Variants in EXOC6B observed in about 807,000 individuals in gnomAD.
EXOC6B encodes the protein SEC15 homolog B.
EXOC6B carries 54 observed loss-of-function variants against 113.5 expected under a neutral mutation model. The observed-to-expected ratio is 0.48, with a 90% confidence interval of 0.38 to 0.60. The LOEUF (loss-of-function observed/expected upper bound fraction) is 0.60, where lower values mean the gene tolerates loss of function less well. Ranked by LOEUF, EXOC6B falls within the 20% of genes least tolerant of loss-of-function variation. The probability of loss-of-function intolerance (pLI) is 0.00; values close to 1 mark genes in which losing one functional copy is unlikely to be tolerated. For synonymous variants in EXOC6B, 357 were observed against 339.0 expected, an observed-to-expected ratio of 1.05 and a Z score of -0.58; for missense variants, 797 against 977.5, an observed-to-expected ratio of 0.82 and a Z score of 2.46.
At chr2:72,222,191 T>C (rs921465805) in intron 20 of EXOC6B, among the ~76,000 whole-genome samples, 1 of 152,206 alleles carries the variant, frequency 6.6e-6, no homozygotes, top group Non-Finnish European at 1.5e-5. Context: ...TGGTGTGTTC[T>C]AGGTACTTGA....
intron 18 of EXOC6B, among the ~76,000 whole-genome samples, chr2:72,429,871 C>A (rs1262941287): frequency 1.3e-5 from 2 of 152,194 alleles, no homozygotes; most frequent in South Asian, 4.1e-4. Flanking sequence ...AGATGGGAGA[C>A]TGCTTTAGCA....
chr2:72,709,629 T>A (rs1037749221), intron 6 of EXOC6B, among the ~76,000 whole-genome samples: 4 of 152,190 alleles, frequency 2.6e-5, no homozygotes, highest in Non-Finnish European at 5.9e-5. Context: ...CTCATGAAAT[T>A]ATTTGAAGAG....
chr2:72,679,644 G>A (rs1227319857), intron 6 of EXOC6B, among the ~76,000 whole-genome samples: 1 of 152,032 alleles, frequency 6.6e-6, no homozygotes, highest in African/African-American at 2.4e-5. Flanking sequence ...ATTGGGAGGA[G>A]GTAACAGAAA....
intron 20 of EXOC6B, among the ~76,000 whole-genome samples, chr2:72,193,552 G>C (rs1482537621): frequency 1.3e-5 from 2 of 152,226 alleles, no homozygotes; most frequent in Non-Finnish European, 2.9e-5. Flanking sequence ...ATGATGTTAA[G>C]ACGTTATCTC....
intron 20 of EXOC6B, among the ~76,000 whole-genome samples, chr2:72,284,715 T>G (rs1296748915): frequency 1.3e-5 from 2 of 151,992 alleles, no homozygotes; most frequent in Non-Finnish European, 2.9e-5. Flanking sequence ...AGACATGATT[T>G]TCTATAGAAA....
chr2:72,696,005 T>C (rs1677848144), intron 6 of EXOC6B, among the ~76,000 whole-genome samples: 1 of 151,902 alleles, frequency 6.6e-6, no homozygotes, highest in Non-Finnish European at 1.5e-5. Flanking sequence ...TCTACTGGTG[T>C]ATATATATAT....
Position 72,496,514 on chromosome 2 carries a change from A to G in EXOC6B, c.1383T>C (p.Ser461=). ...CTACCACCTTTTTGTACATCTCTTC[A>G]CTTGTTACTGGTATAGGACTGTAGT... ...SDNYSPIPVT[S]EEMYKKVVGQ... The change falls in exon 14 of 22, where the codon AGT becomes AGC. Residue 461 remains serine (S), a synonymous_variant. Coordinates refer to ENST00000272427, the MANE Select transcript of EXOC6B (RefSeq NM_015189.3). 6.2e-7 allele frequency: 1 copy of G among 1,601,098 alleles called. No individual in the cohort carries two copies. Among genetic ancestry groups the G allele is most frequent in the East Asian group, 2.2e-5 (1 of 44,752 alleles).
chr2:72,437,492 G>T (rs1356991329), intron 18 of EXOC6B, among the ~76,000 whole-genome samples: 2 of 152,144 alleles, frequency 1.3e-5, no homozygotes. Context: ...CTGAAGGTGT[G>T]CCCACAGCCG....
chr2:72,318,247 T>G, intron 20 of EXOC6B, among the ~76,000 whole-genome samples: 1 of 152,146 alleles, frequency 6.6e-6, no homozygotes, highest in East Asian at 1.9e-4. Flanking sequence ...ACAACATCAG[T>G]TCCTACTGAC....
intron 18 of EXOC6B, among the ~76,000 whole-genome samples, chr2:72,408,756 A>C (rs1415839581): frequency 1.3e-5 from 2 of 152,224 alleles, no homozygotes; most frequent in Non-Finnish European, 2.9e-5. Context: ...CTAAAACCAT[A>C]AAAACCCTAG....
Position 72,341,745 on chromosome 2 carries a change from C to T in EXOC6B, c.2123-6725G>A, listed in dbSNP as rs1314774249. On this transcript the variant is annotated intron_variant, in intron 19 of 21. Coordinates refer to ENST00000272427, the MANE Select transcript of EXOC6B (RefSeq NM_015189.3). ...TGAACAACACTATAAACCAAATGAG[C>T]CTACCAAATATATAAGAACATTCCA... Among the ~76,000 whole-genome samples the T allele has an allele frequency of 2.0e-4, 31 of 151,974 alleles. 1 individual carries two copies. Among genetic ancestry groups the T allele is most frequent in the Admixed American group, 2.0e-3 (31 of 15,240 alleles).
At chr2:72,732,225 T>C (rs1202354543) in intron 3 of EXOC6B, among the ~76,000 whole-genome samples, 1 of 152,120 alleles carries the variant, frequency 6.6e-6, no homozygotes, top group Non-Finnish European at 1.5e-5. Context: ...CATGCCTCAA[T>C]GCAACCTCAA....
chr2:72,608,197 A>C (rs1164423503), intron 6 of EXOC6B, among the ~76,000 whole-genome samples: 3 of 152,144 alleles, frequency 2.0e-5, no homozygotes, highest in Non-Finnish European at 4.4e-5. Context: ...GGTACACAAA[A>C]GCCCAAAGCT....
intron 6 of EXOC6B, among the ~76,000 whole-genome samples, chr2:72,695,499 C>A (rs746289615): frequency 6.6e-5 from 10 of 151,088 alleles, no homozygotes; most frequent in Non-Finnish European, 1.0e-4. Flanking sequence ...AACAGAGAAA[C>A]CAAAGAAAAG....
chr2:72,506,758 TC>T (rs2105627029), intron 11 of EXOC6B, among the ~76,000 whole-genome samples: 1 of 152,280 alleles, frequency 6.6e-6, no homozygotes, highest in African/African-American at 2.4e-5. Context: ...TATTGTTGTC[TC>T]CCATGTGATA....
At chr2:72,416,356 C>A (rs1276262865) in intron 18 of EXOC6B, among the ~76,000 whole-genome samples, 1 of 152,158 alleles carries the variant, frequency 6.6e-6, no homozygotes, top group Non-Finnish European at 1.5e-5. Flanking sequence ...CTTGTGATAA[C>A]CCTTATTTAA....
intron 6 of EXOC6B, among the ~76,000 whole-genome samples, chr2:72,700,735 A>G (rs141653684): frequency 0.016 from 2,496 of 152,328 alleles, 91 homozygotes; most frequent in African/African-American, 0.058. Flanking sequence ...AGACCGAAGC[A>G]GGCAGATCAC....
Position 72,769,246 on chromosome 2 carries a change from T to G in EXOC6B, c.114-27777A>C, listed in dbSNP as rs1683274356. Among the ~76,000 whole-genome samples, 3 of 152,052 alleles carry G rather than the reference T, an allele frequency of 2.0e-5. No homozygotes were observed. In the South Asian group the frequency reaches 6.2e-4, roughly 32 times the overall value. On this transcript the variant is annotated intron_variant, in intron 1 of 21. Coordinates refer to ENST00000272427, the MANE Select transcript of EXOC6B (RefSeq NM_015189.3). The stretch of plus-strand genomic sequence containing the variant: ...TACAAAAGGAAAAGTGACCTCAGAA[T>G]GAAGCACAGAGATGGAGGAGGAAAT...
At position 72,673,309 on chromosome 2, in the gene EXOC6B, G is replaced by T. The variant is rs552821109; in HGVS notation, c.669+44794C>A. Among the ~76,000 whole-genome samples the T allele has an allele frequency of 2.2e-4, 33 of 152,276 alleles. 1 individual carries two copies. Among genetic ancestry groups the T allele is most frequent in the Admixed American group, 1.2e-3 (18 of 15,288 alleles). ...CAGTAATTCAGATTCAACTGGTCTA[G>T]AGGGTAGGGTATTGGTATTTACTGA... On this transcript the variant is annotated intron_variant, in intron 6 of 21. Coordinates refer to ENST00000272427, the MANE Select transcript of EXOC6B (RefSeq NM_015189.3).
Sources: allele counts gnomAD v4.1 joint callset (sites outside exome capture counted in the v4.1 genomes callset), GRCh38; gene constraint gnomAD v4.1.1; transcripts MANE v1.5; gene names NCBI Gene and HGNC (gene_info 2026-07-23, HGNC 2026-07-21).